The following TMEM131 variants were observed in gnomAD, a reference collection of about 807,000 sequenced individuals.
TMEM131 encodes transmembrane protein 131.
TMEM131 carries 66 observed loss-of-function variants against 211.6 expected under a neutral mutation model. The ratio of observed to expected loss-of-function variants is 0.31; its 90% CI spans 0.26 to 0.38. The LOEUF (loss-of-function observed/expected upper bound fraction) is 0.38, where lower values mean the gene tolerates loss of function less well. Ranked by LOEUF, TMEM131 falls within the 10% of genes least tolerant of loss-of-function variation. TMEM131 has a pLI of 1.00. For missense variants in TMEM131, 2,036 were observed against 2,299.3 expected, an observed-to-expected ratio of 0.89 and a Z score of 2.34; for synonymous variants, 844 against 841.3, an observed-to-expected ratio of 1.00 and a Z score of -0.06.
intron 2 of TMEM131, among the ~76,000 whole-genome samples, chr2:97,915,388 A>G (rs887185685): frequency 1.4e-4 from 21 of 151,816 alleles, no homozygotes; most frequent in African/African-American, 5.1e-4. Flanking sequence ...CAGTGTGATC[A>G]TGGCTCACTG....
intron 5 of TMEM131, among the ~76,000 whole-genome samples, chr2:97,850,709 TAAAAA>T (rs1035698600): frequency 1.3e-5 from 2 of 151,908 alleles, no homozygotes; most frequent in Non-Finnish European, 2.9e-5. Flanking sequence ...TGTATCCACC[TAAAAA>T]AAATCTAAAA....
At chr2:97,778,634 C>T (rs1224098600) in intron 31 of TMEM131, among the ~76,000 whole-genome samples, 1 of 152,142 alleles carries the variant, frequency 6.6e-6, no homozygotes, top group Non-Finnish European at 1.5e-5. Context: ...AATATGCAGT[C>T]CTTCGACTTC....
intron 31 of TMEM131, among the ~76,000 whole-genome samples, chr2:97,780,138 T>C (rs1391124951): frequency 1.3e-5 from 2 of 152,192 alleles, no homozygotes; most frequent in Non-Finnish European, 2.9e-5. Flanking sequence ...GAGACCTGTG[T>C]TGGGGAATTG....
intron 11 of TMEM131, among the ~76,000 whole-genome samples, chr2:97,829,018 T>C (rs1396603293): frequency 6.6e-6 from 1 of 152,224 alleles, no homozygotes. Flanking sequence ...GACCCCTGGA[T>C]CGACCCACTG....
chr2:97,759,810 T>G lies in TMEM131; in HGVS notation c.5109-61A>C, dbSNP rs553993074. 1.8e-5 allele frequency: 22 copies of G among 1,208,826 alleles called. No individual in the cohort carries two copies. In the African/African-American group the frequency reaches 3.0e-4, roughly 16 times the overall value. The allele number at this position is 1,208,826 out of a possible 1,614,324, so 74.9% of individuals were successfully genotyped here. A position where few individuals can be genotyped will look rare whatever the true frequency, so the allele number is the denominator to read the frequency against. ...ATGTATGGTGGTTAGTGCAAACGGA[T>G]CCATAGTGCACAGCTTCACAAACAG... On this transcript the variant is annotated intron_variant, in intron 38 of 40. Coordinates refer to ENST00000186436, the MANE Select transcript of TMEM131 (RefSeq NM_015348.2).
At chr2:97,942,608 A>G (rs954544606) in intron 1 of TMEM131, among the ~76,000 whole-genome samples, 2 of 152,088 alleles carry the variant, frequency 1.3e-5, no homozygotes, top group African/African-American at 4.8e-5. Flanking sequence ...CTATACACAA[A>G]CAAATTAGAC....
intron 5 of TMEM131, among the ~76,000 whole-genome samples, chr2:97,853,871 AAAG>A (rs1673730561): frequency 6.6e-6 from 1 of 152,186 alleles, no homozygotes; most frequent in African/African-American, 2.4e-5. Context: ...ATGAGCAAAA[AAAG>A]TGGTTTCGTG....
chr2:97,937,508 A>T (rs1387904748), intron 1 of TMEM131, among the ~76,000 whole-genome samples: 1 of 152,208 alleles, frequency 6.6e-6, no homozygotes, highest in Non-Finnish European at 1.5e-5. Context: ...CATTAGTCCA[A>T]ACTAAACTAT....
intron 31 of TMEM131, among the ~76,000 whole-genome samples, chr2:97,788,927 A>C (rs374946755): frequency 6.6e-6 from 1 of 152,158 alleles, no homozygotes; most frequent in East Asian, 1.9e-4. Flanking sequence ...GTAACTCTCT[A>C]TATTTTTTAA....
At chr2:97,927,997 A>G (rs1482486122) in intron 1 of TMEM131, among the ~76,000 whole-genome samples, 1 of 152,236 alleles carries the variant, frequency 6.6e-6, no homozygotes, top group African/African-American at 2.4e-5. Context: ...TCCAAGAAAC[A>G]GCAATGCAAA....
At chr2:97,909,728 A>C (rs1676216912) in intron 2 of TMEM131, among the ~76,000 whole-genome samples, 1 of 152,160 alleles carries the variant, frequency 6.6e-6, no homozygotes, top group Non-Finnish European at 1.5e-5. Flanking sequence ...TAATTTTTTC[A>C]AGATGCGTAC....
intron 11 of TMEM131, among the ~76,000 whole-genome samples, chr2:97,829,526 G>A (rs1028396191): frequency 5.9e-5 from 9 of 152,178 alleles, no homozygotes; most frequent in East Asian, 3.9e-4. Flanking sequence ...ACCAATCAGC[G>A]CTCTGTAAAA....
chr2:97,961,687 A>C (rs1449377012), intron 1 of TMEM131, among the ~76,000 whole-genome samples: 2 of 152,250 alleles, frequency 1.3e-5, no homozygotes, highest in Non-Finnish European at 2.9e-5. Context: ...ATGATATGTA[A>C]ATCAACAGAA....
chr2:97,949,580 C>T (rs938357876), intron 1 of TMEM131, among the ~76,000 whole-genome samples: 6 of 151,566 alleles, frequency 4.0e-5, no homozygotes, highest in African/African-American at 9.7e-5. Context: ...TTTGGGAGGC[C>T]GAGGCGGGTG....
At position 97,757,129 on chromosome 2, in the gene TMEM131, C is replaced by T; in HGVS notation, c.5622G>A (p.Trp1874Ter). ...PTIGRRSSDP[W>*]SNSHFPHEN ...TCTCGTGAGGAAAGTGCGAATTAGA[C>T]CAAGGGTCCGAGCTTCTTCTTCCAA... The change falls in exon 41 of 41, where the codon TGG becomes TGA. Residue 1874 changes from tryptophan (W) to a stop codon, truncating the protein, a stop_gained. Transcript: ENST00000186436. LOFTEE classifies it high-confidence loss of function. The T allele has an allele frequency of 6.2e-7, 1 of 1,608,838 alleles. No homozygotes were observed. The highest frequency in any genetic ancestry group is 8.5e-7 in the Non-Finnish European group (1 of 1,176,624).
chr2:97,841,557 A>G (rs912921525), intron 7 of TMEM131, among the ~76,000 whole-genome samples: 2 of 152,224 alleles, frequency 1.3e-5, no homozygotes, highest in African/African-American at 4.8e-5. Flanking sequence ...TGCCTAAACT[A>G]TAACACCAGA....
At position 97,772,434 on chromosome 2, in the gene TMEM131, A is replaced by G. The variant is rs1451259240; in HGVS notation, c.4321-10T>C. Reference sequence around the variant, plus strand: ...TTTGCTTTTCTGTATCCTGTAAAAAATGGACACTTAATTGCTGAGAAGGAT... The same window carrying G: ...TTTGCTTTTCTGTATCCTGTAAAAAGTGGACACTTAATTGCTGAGAAGGAT... On this transcript the variant is annotated splice_polypyrimidine_tract_variant and intron_variant, in intron 32 of 40. Coordinates refer to ENST00000186436, the MANE Select transcript of TMEM131 (RefSeq NM_015348.2). 1.9e-6 allele frequency: 3 copies of G among 1,608,938 alleles called. No homozygotes were observed. In the Admixed American group the frequency reaches 5.1e-5, roughly 27 times the overall value.
intron 32 of TMEM131, among the ~76,000 whole-genome samples, chr2:97,775,227 G>A (rs970701574): frequency 2.6e-5 from 4 of 152,184 alleles, no homozygotes; most frequent in African/African-American, 9.7e-5. Flanking sequence ...TGCTCTTCCT[G>A]CTGTGATAAC....
intron 27 of TMEM131, among the ~76,000 whole-genome samples, chr2:97,796,605 T>C (rs1680776633): frequency 6.6e-6 from 1 of 152,238 alleles, no homozygotes; most frequent in Admixed American, 6.5e-5. Context: ...AAGTTGACTA[T>C]ACTTCACATT....
Sources: allele counts gnomAD v4.1 joint callset (sites outside exome capture counted in the v4.1 genomes callset), GRCh38; gene constraint gnomAD v4.1.1; transcripts MANE v1.5; gene names NCBI Gene and HGNC (gene_info 2026-07-23, HGNC 2026-07-21).